Variants in MRPL15 observed in about 807,000 individuals in gnomAD.
The protein encoded by MRPL15 is large ribosomal subunit protein uL15m.
A neutral mutation model predicts 28.0 loss-of-function variants in MRPL15; 24 were observed. The ratio of observed to expected loss-of-function variants is 0.86; its 90% CI spans 0.62 to 1.21. The LOEUF is 1.21. Ranked by LOEUF, MRPL15 falls within the 50% of genes most tolerant of loss-of-function variation. The pLI is 0.00. For missense variants in MRPL15, 343 were observed against 372.4 expected (o/e 0.92, Z 0.65); for synonymous variants, 124 against 137.0 (o/e 0.90, Z 0.66).
chr8:54,136,391 A>T, intron 1 of MRPL15, 120 bp from the exon 2 acceptor site: 1 of 1,077,014 alleles, frequency 9.3e-7, no homozygotes, highest in Non-Finnish European at 1.3e-6. Flanking sequence ...TGCTTGACAC[A>T]ATAGTGTTAG....
At chr8:54,144,139 A>G (rs1015846755) in intron 4 of MRPL15, among the ~76,000 whole-genome samples, 22 of 152,066 alleles carry the variant, frequency 1.4e-4, no homozygotes, top group Non-Finnish European at 3.2e-4. Context: ...GATGATGGAG[A>G]CCTTTTGCTA....
At position 54,137,280 on chromosome 8, in the gene MRPL15, G is replaced by A. The variant is rs1484036424; in HGVS notation, c.276G>A (p.Gln92=). The A allele has an allele frequency of 6.2e-7, 1 of 1,613,648 alleles. No individual in the cohort carries two copies. The highest frequency in any genetic ancestry group is 2.2e-5 in the East Asian group (1 of 44,878). The stretch of plus-strand genomic sequence containing the variant: ...TCTTGTTTTACAGTTTCAGACGCCA[G>A]TATAAGCCTTTGAGTCTCAATAGAC... ...GFNEGHSFRR[Q]YKPLSLNRLQ... is the part of the protein sequence containing the mutation. Residue 92 remains glutamine, a synonymous_variant, in exon 3 of 5, where the codon CAG becomes CAA. Coordinates refer to ENST00000260102, the MANE Select transcript of MRPL15 (RefSeq NM_014175.4).
intron 4 of MRPL15, among the ~76,000 whole-genome samples, chr8:54,144,577 C>T (rs993416565): frequency 1.3e-5 from 2 of 152,092 alleles, no homozygotes; most frequent in African/African-American, 2.4e-5. Context: ...TCTAGACCAG[C>T]GTGGCCAACA....
chr8:54,148,352 C>A lies in MRPL15; in HGVS notation c.*633C>A, dbSNP rs939710367. Among the ~76,000 whole-genome samples the A allele has an allele frequency of 6.6e-6, 1 of 152,138 alleles. No homozygotes were observed. The highest frequency in any genetic ancestry group is 1.5e-5 in the Non-Finnish European group (1 of 68,016). Reference sequence around the variant, plus strand: ...AGGCAGGCCTTTGTTCTTAGAGCTCCCAAGATGGTGGTGGCCACTCCCAAG... The same window carrying A: ...AGGCAGGCCTTTGTTCTTAGAGCTCACAAGATGGTGGTGGCCACTCCCAAG... On this transcript the variant is annotated 3_prime_UTR_variant, in exon 5 of 5. Coordinates refer to ENST00000260102, the MANE Select transcript of MRPL15 (RefSeq NM_014175.4).
chr8:54,145,884 A>G (rs935563119), intron 4 of MRPL15, among the ~76,000 whole-genome samples: 2 of 152,224 alleles, frequency 1.3e-5, no homozygotes, highest in African/African-American at 2.4e-5. Context: ...TATCCAGAGC[A>G]TGACCTGGCT....
rs1810907461 is a variant in MRPL15 at position 54,140,591 on chromosome 8, T to TTTTTTTTTTTTG, written c.430-2072_430-2071insTTTTTTTTTTTG. Among the ~76,000 whole-genome samples the TTTTTTTTTTTTG allele has an allele frequency of 1.2e-4, 16 of 136,956 alleles. No individual in the cohort carries two copies. The Admixed American group carries it at 1.2e-3, about 10-fold the overall frequency. The allele number at this position is 136,956 out of a possible 152,430, so 89.8% of individuals were successfully genotyped here. On this transcript the variant is annotated intron_variant, in intron 3 of 4. Coordinates refer to ENST00000260102, the MANE Select transcript of MRPL15 (RefSeq NM_014175.4). ...TTTCTTTTCTTTTTTTTTTTTTTTT[T>TTTTTTTTTTTTG]GAGATGGAGTCTCGCTCTGTCACCC...
At chr8:54,143,420 T>C (rs972201508) in intron 4 of MRPL15, among the ~76,000 whole-genome samples, 5 of 152,176 alleles carry the variant, frequency 3.3e-5, no homozygotes, top group Admixed American at 3.3e-4. Flanking sequence ...TCTTGTAGTC[T>C]TCCCTATGTA....
intron 3 of MRPL15, among the ~76,000 whole-genome samples, chr8:54,139,180 G>C (rs1035494628): frequency 2.0e-5 from 3 of 152,008 alleles, no homozygotes; most frequent in Non-Finnish European, 4.4e-5. Flanking sequence ...TGTATTTTTA[G>C]TAGAGACAGG....
At position 54,139,999 on chromosome 8, in the gene MRPL15, T is replaced by TA. The variant is rs200827516; in HGVS notation, c.429+2573dup. ...TTTAAACATATACCAGTATTGGATA[T>TA]AAAAAAAGTGTGAAAATGCATCTTA... On this transcript the variant is annotated intron_variant, in intron 3 of 4. Transcript: ENST00000260102. 5.7e-3 allele frequency among the ~76,000 whole-genome samples: 874 copies of TA among 152,244 alleles called. 9 individuals are homozygous for TA. The highest frequency in any genetic ancestry group is 0.018 in the African/African-American group (765 of 41,542).
At chr8:54,138,109 C>T (rs1810860312) in intron 3 of MRPL15, among the ~76,000 whole-genome samples, 2 of 151,826 alleles carry the variant, frequency 1.3e-5, no homozygotes, top group Admixed American at 1.3e-4. Flanking sequence ...CGTGCGCCAC[C>T]ACACCCGGCT....
At chr8:54,140,580 T>A in intron 3 of MRPL15, among the ~76,000 whole-genome samples, 1 of 111,730 alleles carries the variant, frequency 9.0e-6, no homozygotes, top group African/African-American at 5.9e-5. Context: ...TTTTCTTTTT[T>A]TTTTTTTTTT....
rs998337112 is a variant in MRPL15, at chr8:54,147,951, A to G, written c.*232A>G. 4 of 442,358 alleles carry G rather than the reference A, an allele frequency of 9.0e-6. No homozygotes were observed. The Admixed American group carries it at 1.5e-4, about 17-fold the overall frequency. The allele number at this position is 442,358 out of a possible 1,614,324, so 27.4% of individuals were successfully genotyped here. A position where few individuals can be genotyped will look rare whatever the true frequency, so the allele number is the denominator to read the frequency against. ...AAAGATACAAACTCCCTGATAGTCT[A>G]TGGAAGGAAAATGACAACTATTTTA... On this transcript the variant is annotated 3_prime_UTR_variant, in exon 5 of 5. Transcript: ENST00000260102.
intron 3 of MRPL15, among the ~76,000 whole-genome samples, chr8:54,141,826 A>G (rs1038067886): frequency 1.3e-5 from 2 of 152,096 alleles, no homozygotes; most frequent in Non-Finnish European, 2.9e-5. Context: ...TGTATTTAAA[A>G]AAGAATTGTT....
intron 3 of MRPL15, among the ~76,000 whole-genome samples, chr8:54,141,247 G>A (rs1810920117): frequency 1.3e-5 from 2 of 152,184 alleles, no homozygotes; most frequent in African/African-American, 2.4e-5. Context: ...ACCTCTGTGC[G>A]TTGGTATTTC....
intron 4 of MRPL15, among the ~76,000 whole-genome samples, chr8:54,145,867 G>A (rs1427461978): frequency 6.6e-6 from 1 of 152,166 alleles, no homozygotes; most frequent in Non-Finnish European, 1.5e-5. Context: ...AAGTAGGTAG[G>A]ATGGTTTATC....
chr8:54,136,002 A>AGCT (rs1307150085), intron 1 of MRPL15, among the ~76,000 whole-genome samples: 7 of 152,326 alleles, frequency 4.6e-5, no homozygotes, highest in African/African-American at 1.7e-4. Flanking sequence ...TCTGCAGTTG[A>AGCT]CTAAATAGAG....
At chr8:54,143,428 G>T (rs1330546577) in intron 4 of MRPL15, among the ~76,000 whole-genome samples, 2 of 152,108 alleles carry the variant, frequency 1.3e-5, no homozygotes, top group African/African-American at 4.8e-5. Flanking sequence ...TCTTCCCTAT[G>T]TAAGTAAATG....
intron 4 of MRPL15, among the ~76,000 whole-genome samples, chr8:54,146,163 TG>T (rs1183486111): frequency 6.6e-6 from 1 of 152,204 alleles, no homozygotes; most frequent in Admixed American, 6.5e-5. Context: ...AGTCCTTTCC[TG>T]GCCGGGCGCA....
chr8:54,137,248 C>CT lies in MRPL15; in HGVS notation c.264-18dup. 1 of 1,604,536 alleles carries CT rather than the reference C, an allele frequency of 6.2e-7. No homozygotes were observed. The highest frequency in any genetic ancestry group is 8.5e-7 in the Non-Finnish European group (1 of 1,175,260). ...ACAGGAAGATGAGAGTTTTCCAACT[C>CT]TTACATTCTTGTTTTACAGTTTCAG... On this transcript the variant is annotated intron_variant, in intron 2 of 4. Coordinates refer to ENST00000260102, the MANE Select transcript of MRPL15 (RefSeq NM_014175.4).
Sources: allele counts gnomAD v4.1 joint callset (sites outside exome capture counted in the v4.1 genomes callset), GRCh38; gene constraint gnomAD v4.1.1; transcripts MANE v1.5; gene names NCBI Gene and HGNC (gene_info 2026-07-23, HGNC 2026-07-21).